Variants in ARB2A observed in about 807,000 individuals in gnomAD.
ARB2A encodes ARB2 cotranscriptional regulator A.
chr5:93,834,480 C>T, the ARB2A span, among the ~76,000 whole-genome samples: 4 of 152,126 alleles, frequency 2.6e-5, no homozygotes, highest in Non-Finnish European at 5.9e-5. Context: ...TTATAAAAAA[C>T]TCAACTTTCA....
chr5:94,093,784 A>AG, the ARB2A span, among the ~76,000 whole-genome samples: 1 of 152,218 alleles, frequency 6.6e-6, no homozygotes, highest in African/African-American at 2.4e-5. Flanking sequence ...GGTATGGGTA[A>AG]GAACGAGGTA....
the ARB2A span, among the ~76,000 whole-genome samples, chr5:94,103,395 G>A: frequency 6.6e-6 from 1 of 152,004 alleles, no homozygotes; most frequent in Non-Finnish European, 1.5e-5. Flanking sequence ...AGACTTGAAA[G>A]CAACAATAAT....
chr5:93,777,094 GT>G, the ARB2A span, among the ~76,000 whole-genome samples: 1 of 146,870 alleles, frequency 6.8e-6, no homozygotes, highest in African/African-American at 2.5e-5. Context: ...AATGAAGGCT[GT>G]ATCAAAATAG....
chr5:93,890,840 T>G, the ARB2A span, among the ~76,000 whole-genome samples: 7 of 152,198 alleles, frequency 4.6e-5, no homozygotes, highest in South Asian at 1.4e-3. Flanking sequence ...TTTATTCCCC[T>G]CTTCATTAGT....
chr5:93,802,547 C>T, the ARB2A span, among the ~76,000 whole-genome samples: 1 of 151,954 alleles, frequency 6.6e-6, no homozygotes, highest in Admixed American at 6.6e-5. Context: ...ATACAGAAGT[C>T]CATTTGTGAA....
the ARB2A span, among the ~76,000 whole-genome samples, chr5:93,935,839 C>G: frequency 2.6e-5 from 4 of 151,906 alleles, no homozygotes; most frequent in South Asian, 8.3e-4. Flanking sequence ...TTTTATGATG[C>G]CGTTATTTTG....
At chr5:93,703,180 A>G in the ARB2A span, among the ~76,000 whole-genome samples, 49 of 152,346 alleles carry the variant, frequency 3.2e-4, 1 homozygote, top group African/African-American at 1.2e-3. Context: ...TAAGTATACA[A>G]TACAGCTTGA....
chr5:93,977,455 A>G, the ARB2A span, among the ~76,000 whole-genome samples: 1 of 152,216 alleles, frequency 6.6e-6, no homozygotes, highest in African/African-American at 2.4e-5. Context: ...ACCCCCTGAA[A>G]TAAAGTCACA....
At chr5:93,691,631 C>T in the ARB2A span, among the ~76,000 whole-genome samples, 1 of 151,900 alleles carries the variant, frequency 6.6e-6, no homozygotes, top group Non-Finnish European at 1.5e-5. Context: ...AGAAATTCCC[C>T]AACTAGCAAG....
the ARB2A span, among the ~76,000 whole-genome samples, chr5:94,030,128 C>T: frequency 8.5e-5 from 13 of 152,290 alleles, no homozygotes; most frequent in African/African-American, 2.2e-4. Context: ...ATGGGAATAA[C>T]GGGAGCTACA....
At chr5:94,109,456 C>A in the ARB2A span, among the ~76,000 whole-genome samples, 1 of 152,176 alleles carries the variant, frequency 6.6e-6, no homozygotes, top group Non-Finnish European at 1.5e-5. Context: ...AAGTTGTATA[C>A]AACTGAGTAA....
the ARB2A span, among the ~76,000 whole-genome samples, chr5:94,082,724 T>C: frequency 6.6e-6 from 1 of 152,158 alleles, no homozygotes. Context: ...TTCTAGAATT[T>C]CCCAATTCTT....
chr5:93,943,261 A>G, the ARB2A span, among the ~76,000 whole-genome samples: 1 of 152,130 alleles, frequency 6.6e-6, no homozygotes, highest in East Asian at 1.9e-4. Context: ...CAATTTATTA[A>G]CAAGTAATTT....
chr5:93,986,721 C>T, the ARB2A span, among the ~76,000 whole-genome samples: 1 of 152,184 alleles, frequency 6.6e-6, no homozygotes, highest in African/African-American at 2.4e-5. Context: ...TTACCCCCAA[C>T]CCGGTGCTCT....
chr5:93,669,505 A>G, the ARB2A span, among the ~76,000 whole-genome samples: 2 of 152,250 alleles, frequency 1.3e-5, no homozygotes, highest in Non-Finnish European at 2.9e-5. Flanking sequence ...AGTATAAAAC[A>G]GAGTACCTAC....
At chr5:94,018,068 C>G in the ARB2A span, among the ~76,000 whole-genome samples, 1 of 152,138 alleles carries the variant, frequency 6.6e-6, no homozygotes, top group African/African-American at 2.4e-5. Flanking sequence ...CTGAGGCCTG[C>G]CCAGCCATAT....
At chr5:93,648,203 C>A in the ARB2A span, among the ~76,000 whole-genome samples, 2 of 150,652 alleles carry the variant, frequency 1.3e-5, no homozygotes, top group Non-Finnish European at 3.0e-5. Context: ...ATTTTATAGG[C>A]TTTTAAAAGA....
chr5:93,673,361 GTTCT>G, the ARB2A span, among the ~76,000 whole-genome samples: 1 of 151,540 alleles, frequency 6.6e-6, no homozygotes, highest in South Asian at 2.1e-4. Context: ...CGACAGATGT[GTTCT>G]TTCTTTCTCT....
the ARB2A span, among the ~76,000 whole-genome samples, chr5:94,088,813 AT>A: frequency 6.6e-5 from 10 of 152,306 alleles, no homozygotes; most frequent in East Asian, 1.5e-3. Flanking sequence ...AAGAAATTAA[AT>A]TTTTTAAAAT....
Sources: allele counts gnomAD v4.1 joint callset (sites outside exome capture counted in the v4.1 genomes callset), GRCh38; gene constraint gnomAD v4.1.1; transcripts MANE v1.5; gene names NCBI Gene and HGNC (gene_info 2026-07-23, HGNC 2026-07-21).